The following DPP10 variants were observed in gnomAD, a reference collection of about 807,000 sequenced individuals.
The protein encoded by DPP10 is dipeptidyl peptidase like 10.
DPP10 carries 33 observed loss-of-function variants against 120.9 expected under a neutral mutation model. The observed-to-expected ratio is 0.27, with a 90% CI of 0.21 to 0.37. The LOEUF (loss-of-function observed/expected upper bound fraction) is 0.37, where lower values mean the gene tolerates loss of function less well. Among genes scored for constraint, DPP10 ranks in the 10% least tolerant of loss-of-function variants. DPP10 has a pLI of 1.00. For synonymous variants in DPP10, 337 were observed against 326.1 expected, an observed-to-expected ratio of 1.03 and a Z score of -0.36; for missense variants, 816 against 942.8, an observed-to-expected ratio of 0.87 and a Z score of 1.76.
chr2:115,380,037 G>A (rs1182841076), intron 3 of DPP10, among the ~76,000 whole-genome samples: 3 of 151,922 alleles, frequency 2.0e-5, no homozygotes, highest in African/African-American at 4.8e-5. Flanking sequence ...TGTTCATTTG[G>A]GGTGGAGAGT....
chr2:115,457,416 T>C (rs529546540), intron 3 of DPP10, among the ~76,000 whole-genome samples: 16 of 152,292 alleles, frequency 1.1e-4, no homozygotes, highest in South Asian at 4.1e-4. Context: ...ACTTGACTTA[T>C]TGCTAAGAGA....
intron 1 of DPP10, among the ~76,000 whole-genome samples, chr2:114,683,055 A>G (rs1699132958): frequency 6.6e-6 from 1 of 151,940 alleles, no homozygotes; most frequent in Non-Finnish European, 1.5e-5. Context: ...CATTTATTGA[A>G]TGTGTCTTAT....
intron 1 of DPP10, among the ~76,000 whole-genome samples, chr2:115,267,981 C>T (rs988214582): frequency 6.6e-6 from 1 of 152,170 alleles, no homozygotes; most frequent in African/African-American, 2.4e-5. Flanking sequence ...ATAGAGCAGA[C>T]ACCAAATAGA....
At chr2:115,693,262 A>G (rs11123318) in intron 7 of DPP10, among the ~76,000 whole-genome samples, 32,248 of 152,084 alleles carry the variant, frequency 0.21, 4,651 homozygotes, top group East Asian at 0.54. Flanking sequence ...GGTAAATATG[A>G]ATGTGCAGGG....
intron 1 of DPP10, among the ~76,000 whole-genome samples, chr2:115,166,486 A>G (rs893813559): frequency 8.5e-6 from 1 of 117,954 alleles, no homozygotes; most frequent in African/African-American, 3.4e-5. Flanking sequence ...TCTTATTTTT[A>G]TATGTAAATA....
At chr2:115,504,136 G>T (rs1362536902) in intron 4 of DPP10, among the ~76,000 whole-genome samples, 2 of 152,008 alleles carry the variant, frequency 1.3e-5, no homozygotes, top group African/African-American at 4.8e-5. Context: ...GGATCATTTG[G>T]CCTTGGCTTC....
intron 1 of DPP10, among the ~76,000 whole-genome samples, chr2:114,858,282 C>G (rs1030733535): frequency 6.6e-6 from 1 of 152,148 alleles, no homozygotes; most frequent in Non-Finnish European, 1.5e-5. Context: ...AACCACTGTG[C>G]CCCGCCGCCG....
At chr2:115,179,743 AT>A (rs753501804) in intron 1 of DPP10, among the ~76,000 whole-genome samples, 4 of 152,162 alleles carry the variant, frequency 2.6e-5, no homozygotes, top group Non-Finnish European at 4.4e-5. Context: ...TGGCAAATTT[AT>A]TTGGTCAAAA....
chr2:115,006,781 A>G (rs192544533), intron 1 of DPP10, among the ~76,000 whole-genome samples: 62 of 152,036 alleles, frequency 4.1e-4, no homozygotes, highest in African/African-American at 1.1e-3. Context: ...AGACTTTAAC[A>G]CCCCACTGTC....
At chr2:115,058,485 C>T (rs1443854840) in intron 1 of DPP10, among the ~76,000 whole-genome samples, 3 of 152,102 alleles carry the variant, frequency 2.0e-5, no homozygotes, top group East Asian at 1.9e-4. Context: ...CTGCAACCTC[C>T]GCCTCCTGGA....
At chr2:114,897,723 T>C (rs1693149656) in intron 1 of DPP10, among the ~76,000 whole-genome samples, 1 of 152,140 alleles carries the variant, frequency 6.6e-6, no homozygotes, top group African/African-American at 2.4e-5. Context: ...AAGACATTTA[T>C]GCAGCCAAAA....
chr2:114,793,001 T>A (rs1683382085), intron 1 of DPP10, among the ~76,000 whole-genome samples: 1 of 150,648 alleles, frequency 6.6e-6, no homozygotes, highest in Non-Finnish European at 1.5e-5. Flanking sequence ...TGTGTGTGTG[T>A]GTGTGTGTGT....
intron 1 of DPP10, among the ~76,000 whole-genome samples, chr2:115,234,815 C>T (rs887708431): frequency 7.2e-5 from 11 of 152,262 alleles, no homozygotes; most frequent in Admixed American, 2.0e-4. Flanking sequence ...TAAGCACCCA[C>T]GCATGCTTAT....
intron 4 of DPP10, among the ~76,000 whole-genome samples, chr2:115,513,734 G>T (rs539985306): frequency 2.5e-4 from 38 of 151,808 alleles, no homozygotes; most frequent in Non-Finnish European, 4.3e-4. Context: ...CAATCAACAC[G>T]CTTTTATAAT....
intron 1 of DPP10, among the ~76,000 whole-genome samples, chr2:114,846,123 T>G (rs1278467013): frequency 6.6e-6 from 1 of 152,090 alleles, no homozygotes; most frequent in Non-Finnish European, 1.5e-5. Flanking sequence ...GCATAATTTA[T>G]CATAGGCATA....
intron 1 of DPP10, among the ~76,000 whole-genome samples, chr2:114,923,471 C>CTTTTTTTTT (rs1695355457): frequency 1.2e-5 from 1 of 84,614 alleles, no homozygotes; most frequent in African/African-American, 5.0e-5. Context: ...GGCCTTTTTT[C>CTTTTTTTTT]CTTTTTTTTT....
chr2:115,039,964 G>C (rs1704512632), intron 1 of DPP10, among the ~76,000 whole-genome samples: 1 of 151,418 alleles, frequency 6.6e-6, no homozygotes, highest in African/African-American at 2.4e-5. Context: ...GAAGACTAAG[G>C]GAAAAAAATG....
At chr2:114,484,938 A>ATT (rs112288442) in intron 1 of DPP10, among the ~76,000 whole-genome samples, 89 of 145,888 alleles carry the variant, frequency 6.1e-4, no homozygotes, top group African/African-American at 1.6e-3. Context: ...TGCTTCTAAG[A>ATT]TTTTTTTTTT....
intron 21 of DPP10, among the ~76,000 whole-genome samples, chr2:115,820,799 ATGTGTGTGTGTG>A (rs869085100): frequency 2.8e-5 from 3 of 105,554 alleles, no homozygotes; most frequent in Admixed American, 8.4e-5. Flanking sequence ...TCCATGGTGT[ATGTGTGTGTGTG>A]TGTGTGTGTG....
Sources: gnomAD v4.1 joint callset for allele counts (sites outside exome capture counted in the v4.1 genomes callset) on GRCh38, gnomAD v4.1.1 for gene constraint, MANE v1.5 for transcripts, NCBI Gene and HGNC (gene_info 2026-07-23, HGNC 2026-07-21) for gene names.